The following PTPRH variants were observed in gnomAD, a reference collection of about 807,000 sequenced individuals.
The protein encoded by PTPRH is receptor-type tyrosine-protein phosphatase H.
Under a neutral mutation model 130.2 loss-of-function variants are expected in PTPRH, and 113 were observed. The observed-to-expected ratio is 0.87, with a 90% confidence interval of 0.75 to 1.01. The LOEUF is 1.01. Among genes scored for constraint, PTPRH ranks in the 50% least tolerant of loss-of-function variants. The pLI is 0.00. For missense variants in PTPRH, 1,430 were observed against 1,425.0 expected (o/e 1.00, Z -0.06); for synonymous variants, 556 against 577.9 (o/e 0.96, Z 0.54).
At chr19:55,188,015 T>C in intron 13 of PTPRH, 63 bp downstream of exon 13, 1 of 962,008 alleles carries the variant, frequency 1.0e-6, no homozygotes, top group Non-Finnish European at 1.5e-6. Context: ...GGCCAGGGGG[T>C]GGGGGGTGGG....
In PTPRH at chr19:55,203,833, C is replaced by G. The variant is rs571109810; in HGVS notation, c.835G>C (p.Val279Leu). ...PGSLYTCSVW[V>L]EKDGVNSSVE... The stretch of plus-strand genomic sequence containing the variant: ...GAGCTATTTACTCCGTCTTTCTCCA[C>G]CCACACAGAACACGTATACAATGAC... Residue 279 changes from valine to leucine, a missense_variant, in exon 5 of 20, where the codon GTG becomes CTG. By Grantham distance (32) the Val-to-Leu change is conservative (BLOSUM62 1). Coordinates refer to ENST00000376350, the MANE Select transcript of PTPRH (RefSeq NM_002842.5). 6.2e-7 allele frequency: 1 copy of G among 1,613,900 alleles called. No individual in the cohort carries two copies. Among genetic ancestry groups the G allele is most frequent in the African/African-American group, 1.3e-5 (1 of 75,030 alleles).
rs2087079616 is a variant in PTPRH at position 55,206,860 on chromosome 19, A to G, written c.181T>C (p.Ser61Pro). 3.1e-6 allele frequency: 5 copies of G among 1,614,042 alleles called. No individual in the cohort carries two copies. In the East Asian group the frequency reaches 1.1e-4, roughly 36 times the overall value. ...EVPDGLDSQN[S>P]NYWVQCTGDG... ...CCAGTACACTGAACCCAGTAGTTGG[A>G]GTTCTGTGAGTCTAGGCCATCGGGG... is the stretch of plus-strand genomic sequence containing the variant. Residue 61 changes from serine to proline, a missense_variant, in exon 3 of 20, where the codon TCC becomes CCC. Coordinates refer to ENST00000376350, the MANE Select transcript of PTPRH (RefSeq NM_002842.5).
In PTPRH at chr19:55,202,245, C is replaced by T. The variant is rs775925290; in HGVS notation, c.964G>A (p.Gly322Ser). 5.6e-6 allele frequency: 9 copies of T among 1,614,238 alleles called. No individual in the cohort carries two copies. Among genetic ancestry groups the T allele is most frequent in the Non-Finnish European group, 5.1e-6 (6 of 1,180,044 alleles). ...SIALTWEVPD[G>S]PDPQNSTYGV... is the part of the protein sequence containing the mutation. ...TAGGTGGAGTTCTGTGGGTCTGGGC[C>T]ATCGGGGACCTCCCAGGTCAGGGCG... Residue 322 changes from glycine to serine, a missense_variant, in exon 6 of 20, where the codon GGC (glycine) becomes AGC (serine). By Grantham distance (56) the Gly-to-Ser change is moderately conservative. Coordinates refer to ENST00000376350, the MANE Select transcript of PTPRH (RefSeq NM_002842.5).
In PTPRH at chr19:55,202,035, C is replaced by G. The variant is rs767672838; in HGVS notation, c.1153+21G>C. On this transcript the variant is annotated intron_variant, in intron 6 of 19. Coordinates refer to ENST00000376350, the MANE Select transcript of PTPRH (RefSeq NM_002842.5). ...TCCCTTAAACAAATAAGAGATCAAACAAATGGCGACTGCCTCTCACCTGTG... is the reference window on the plus strand; with the variant it reads ...TCCCTTAAACAAATAAGAGATCAAAGAAATGGCGACTGCCTCTCACCTGTG... 1.9e-6 allele frequency: 3 copies of G among 1,612,356 alleles called. No individual in the cohort carries two copies. In the Admixed American group the frequency reaches 5.0e-5, roughly 27 times the overall value.
Position 55,206,831 on chromosome 19 carries a change from G to A in PTPRH, c.210C>T (p.Asp70=), listed in dbSNP as rs568536414. 33 of 1,614,120 alleles carry A rather than the reference G, an allele frequency of 2.0e-5. No homozygotes were observed. The highest frequency in any genetic ancestry group is 2.5e-5 in the Non-Finnish European group (29 of 1,180,024). The change falls in exon 3 of 20, where the codon GAC becomes GAT. Residue 70 remains aspartate (D), a synonymous_variant. Transcript: ENST00000376350. ...TGTTTCGAGTCTCTGTTGTGCCGCCGTCTCCAGTACACTGAACCCAGTAGT... is the reference window on the plus strand; with the variant it reads ...TGTTTCGAGTCTCTGTTGTGCCGCCATCTCCAGTACACTGAACCCAGTAGT... ...NSNYWVQCTG[D]GGTTETRNTT...
intron 14 of PTPRH, 69 bp downstream of exon 14, chr19:55,187,444 G>T: frequency 7.8e-7 from 1 of 1,274,716 alleles, no homozygotes; most frequent in Non-Finnish European, 1.1e-6. Context: ...GCGGGTAGGA[G>T]AAGGGGACTG....
In PTPRH at chr19:55,198,394, T is replaced by C. The variant is rs73619561; in HGVS notation, c.1690+249A>G. ...GCTCCTGAGAGGTGGTGCTGGACAA[T>C]TGAGGGCTCCCCCTGACCCCAAAGA... On this transcript the variant is annotated intron_variant, in intron 8 of 19. Coordinates refer to ENST00000376350, the MANE Select transcript of PTPRH (RefSeq NM_002842.5). 3.1e-3 allele frequency among the ~76,000 whole-genome samples: 479 copies of C among 152,144 alleles called. 3 individuals are homozygous for C. Among genetic ancestry groups the C allele is most frequent in the African/African-American group, 0.011 (445 of 41,498 alleles).
intron 12 of PTPRH, among the ~76,000 whole-genome samples, chr19:55,190,123 C>A (rs1239254774): frequency 6.6e-6 from 1 of 152,070 alleles, no homozygotes; most frequent in Non-Finnish European, 1.5e-5. Flanking sequence ...GTAATCCCAG[C>A]ACTCTGGGAG....
In PTPRH at chr19:55,197,099, C is replaced by T. The variant is rs2086706726; in HGVS notation, c.1990+18G>A. 3 of 1,611,350 alleles carry T rather than the reference C, an allele frequency of 1.9e-6. No individual in the cohort carries two copies. The highest frequency in any genetic ancestry group is 2.5e-6 in the Non-Finnish European group (3 of 1,177,850). ...CTAAGCCCAGTTCACCACTTGAAGG[C>T]AGGAAGGGGATTCTCACATGTGGAC... is the stretch of plus-strand genomic sequence containing the variant. On this transcript the variant is annotated intron_variant, in intron 9 of 19. Transcript: ENST00000376350.
Position 55,188,120 on chromosome 19 carries a change from C to T in PTPRH, c.2433G>A (p.Lys811=). 6.2e-7 allele frequency: 1 copy of T among 1,614,154 alleles called. No individual in the cohort carries two copies. The highest frequency in any genetic ancestry group is 8.5e-7 in the Non-Finnish European group (1 of 1,179,988). ...PAEDFADHVR[K]NERDSNCGFA... ...AACCACAGTTGCTGTCCCTCTCATT[C>T]TTCCTGACGTGGTCAGCGAAGTCTT... Residue 811 remains lysine, a synonymous_variant, in exon 13 of 20, where the codon AAG becomes AAA. Coordinates refer to ENST00000376350, the MANE Select transcript of PTPRH (RefSeq NM_002842.5).
At chr19:55,190,508 T>TATTAG (rs2086497002) in intron 12 of PTPRH, among the ~76,000 whole-genome samples, 1 of 141,452 alleles carries the variant, frequency 7.1e-6, no homozygotes, top group South Asian at 2.1e-4. Flanking sequence ...TATTATATTA[T>TATTAG]ATATAATGTA....
rs753954090 is a variant in PTPRH, at chr19:55,196,484, T to A, written c.2257+38A>T. 46 of 1,584,606 alleles carry A rather than the reference T, an allele frequency of 2.9e-5. 1 individual carries two copies. The South Asian group carries it at 4.2e-4, about 15-fold the overall frequency. ...GGGGCCTGATGGGGTCTACCGAGAA[T>A]TTCATCATAGCTGGCTGGCCCGCGC... On this transcript the variant is annotated intron_variant, in intron 10 of 19. Transcript: ENST00000376350.
At chr19:55,196,898 A>G in intron 9 of PTPRH, 110 bp from the exon 10 acceptor site, 1 of 1,360,118 alleles carries the variant, frequency 7.4e-7, no homozygotes, top group South Asian at 1.4e-5. Flanking sequence ...CGCCAAATCC[A>G]AACTACCTCA....
rs200203486 is a variant in PTPRH, at chr19:55,191,581, G to A, written c.2337-33C>T. On this transcript the variant is annotated intron_variant, in intron 11 of 19. Transcript: ENST00000376350. ...AAGGACGTTAGGATGAGAGGCTCAG[G>A]GGGTGAGGCTGCAACCAGCGGTCCT... is the stretch of plus-strand genomic sequence containing the variant. 5 of 1,613,692 alleles carry A rather than the reference G, an allele frequency of 3.1e-6. No individual in the cohort carries two copies. In the Admixed American group the frequency reaches 6.7e-5, roughly 22 times the overall value.
intron 6 of PTPRH, among the ~76,000 whole-genome samples, chr19:55,201,830 C>T (rs977193705): frequency 1.3e-5 from 2 of 152,222 alleles, no homozygotes; most frequent in African/African-American, 4.8e-5. Context: ...TTATGGTCCA[C>T]ATTCTAGAGA....
rs549818279 is a variant in PTPRH, at chr19:55,201,948, T to C, written c.1153+108A>G. Reference sequence around the variant, plus strand: ...GCCCCAGGATGTGGACATGAGTACCTGGCTCAATATGGCCCAGAGGGACTA... The same window carrying C: ...GCCCCAGGATGTGGACATGAGTACCCGGCTCAATATGGCCCAGAGGGACTA... On this transcript the variant is annotated intron_variant, in intron 6 of 19. Transcript: ENST00000376350. 4.6e-6 allele frequency: 7 copies of C among 1,516,670 alleles called. No individual in the cohort carries two copies. In the South Asian group the frequency reaches 5.1e-5, roughly 11 times the overall value. 94.0% of individuals were successfully genotyped at this position (1,516,670 alleles called of 1,614,324 possible).
rs539334971 is a variant in PTPRH, at chr19:55,206,492, A to T, written c.352+197T>A. ...GAACACGCCACCACAGCTACTTTTTAATTTTTTTGTAGAGACAGGCTGACC... is the reference window on the plus strand; with the variant it reads ...GAACACGCCACCACAGCTACTTTTTTATTTTTTTGTAGAGACAGGCTGACC... On this transcript the variant is annotated intron_variant, in intron 3 of 19. Transcript: ENST00000376350. 5.5e-4 allele frequency among the ~76,000 whole-genome samples: 74 copies of T among 135,302 alleles called. No individual in the cohort carries two copies. In the South Asian group the frequency reaches 7.0e-3, roughly 13 times the overall value. 88.8% of individuals were successfully genotyped at this position (135,302 alleles called of 152,430 possible).
At chr19:55,183,749 G>A (rs975125908) in intron 18 of PTPRH, among the ~76,000 whole-genome samples, 6 of 152,000 alleles carry the variant, frequency 3.9e-5, no homozygotes, top group Admixed American at 2.0e-4. Flanking sequence ...CTATTTGAAC[G>A]TGAGCAATTT....
chr19:55,199,801 GAA>G (rs200078933), intron 7 of PTPRH, among the ~76,000 whole-genome samples: 3,444 of 146,218 alleles, frequency 0.024, 123 homozygotes, highest in African/African-American at 0.071. Flanking sequence ...AAAAAAGAAA[GAA>G]AGAAGGAAAG....
Sources: gnomAD v4.1 joint callset for allele counts (sites outside exome capture counted in the v4.1 genomes callset) on GRCh38, gnomAD v4.1.1 for gene constraint, MANE v1.5 for transcripts, NCBI Gene and HGNC (gene_info 2026-07-23, HGNC 2026-07-21) for gene names.